TGM5: variants seen among roughly 807,000 people sequenced by gnomAD.
The protein encoded by TGM5 is protein-glutamine gamma-glutamyltransferase 5.
A neutral mutation model predicts 77.2 loss-of-function variants in TGM5; 69 were observed. The ratio of observed to expected loss-of-function variants is 0.89; its 90% CI spans 0.74 to 1.09. The LOEUF (loss-of-function observed/expected upper bound fraction) is 1.09. TGM5 is among the 50% of genes least tolerant of loss of function. The pLI, the probability that TGM5 is intolerant of heterozygous loss-of-function variation, is 0.00. For synonymous variants in TGM5, 346 were observed against 351.8 expected (o/e 0.98, Z 0.18); for missense variants, 842 against 896.5 (o/e 0.94, Z 0.78).
In TGM5 at chr15:43,253,757, C is replaced by G. The variant is rs143319854; in HGVS notation, c.556-123G>C. On this transcript the variant is annotated intron_variant, in intron 4 of 12. Transcript: ENST00000220420. ...TCACTTGGAAGGTAACTGTGTCAAA[C>G]AGAACAGCCATGAATTCCCTCCCAT... 8.4e-4 allele frequency: 1,143 copies of G among 1,360,298 alleles called. 6 individuals are homozygous for G. In the African/African-American group the frequency reaches 0.014, roughly 17 times the overall value. 84.3% of individuals were successfully genotyped at this position (1,360,298 alleles called of 1,614,324 possible).
At chr15:43,254,388 CTG>C (rs1309142499) in intron 4 of TGM5, among the ~76,000 whole-genome samples, 1 of 152,260 alleles carries the variant, frequency 6.6e-6, no homozygotes, top group Non-Finnish European at 1.5e-5. Context: ...TGCAGGAACT[CTG>C]TACCTCTTTG....
At chr15:43,235,307 A>G (rs1306529666) in intron 10 of TGM5, among the ~76,000 whole-genome samples, 162 bp downstream of exon 10, 1 of 147,186 alleles carries the variant, frequency 6.8e-6, no homozygotes, top group African/African-American at 2.5e-5. Context: ...GGAAGGAAGG[A>G]AGGAAGGGGG....
rs888170207 is a variant in TGM5 at position 43,253,071 on chromosome 15, G to A, written c.685-135C>T. 23 of 952,894 alleles carry A rather than the reference G, an allele frequency of 2.4e-5. No individual in the cohort carries two copies. The Admixed American group carries it at 3.0e-4, about 12-fold the overall frequency. 59.0% of individuals were successfully genotyped at this position (952,894 alleles called of 1,614,324 possible). On this transcript the variant is annotated intron_variant, in intron 5 of 12. Coordinates refer to ENST00000220420, the MANE Select transcript of TGM5 (RefSeq NM_201631.4). ...GACAGCATTTTACTGTGGACTTCCA[G>A]ACCTGCTGGGGAGGGCTAAGGATGG...
Position 43,260,540 on chromosome 15 carries a change from T to G in TGM5, c.50A>C (p.Asn17Thr), listed in dbSNP as rs927318290. ...VALTDLQSSR[N>T]NVRHHTEEIT... ...CTCCTCCGTGTGGTGCCGCACATTA[T>G]TTCTGGAGCTCTGGAGGTCTGTGAG... is the stretch of plus-strand genomic sequence containing the variant. The change falls in exon 2 of 13, where the codon AAT becomes ACT. Residue 17 changes from asparagine (N) to threonine (T), a missense_variant. Coordinates refer to ENST00000220420, the MANE Select transcript of TGM5 (RefSeq NM_201631.4). 1.2e-6 allele frequency: 2 copies of G among 1,614,100 alleles called. No homozygotes were observed. Among genetic ancestry groups the G allele is most frequent in the Non-Finnish European group, 1.7e-6 (2 of 1,179,966 alleles).
chr15:43,233,485 T>A (rs1433378884), intron 12 of TGM5, 69 bp downstream of exon 12: 1 of 1,613,328 alleles, frequency 6.2e-7, no homozygotes, highest in Non-Finnish European at 8.5e-7. Flanking sequence ...CAGGAACCCA[T>A]GTTCAGGAAG....
chr15:43,247,990 A>T (rs2142368506), intron 6 of TGM5, among the ~76,000 whole-genome samples: 1 of 152,266 alleles, frequency 6.6e-6, no homozygotes, highest in South Asian at 2.1e-4. Flanking sequence ...ATGAGATAAA[A>T]GGGGGAAATT....
At position 43,235,634 on chromosome 15, in the gene TGM5, G is replaced by GCGGGT; in HGVS notation, c.1544_1548dup (p.Pro517ThrfsTer27). 1 of 1,614,206 alleles carries GCGGGT rather than the reference G, an allele frequency of 6.2e-7. No homozygotes were observed. The highest frequency in any genetic ancestry group is 8.5e-7 in the Non-Finnish European group (1 of 1,180,044). ...AAGCATATATCCTGGCCCATGTTGGGCGGGTCGAGCAGCTTGAATTTCAGG... is the reference window on the plus strand; with the variant it reads ...AAGCATATATCCTGGCCCATGTTGGGCGGGTCGGGTCGAGCAGCTTGAATTTCAGG... On this transcript the variant is annotated frameshift_variant, in exon 10 of 13. Coordinates refer to ENST00000220420, the MANE Select transcript of TGM5 (RefSeq NM_201631.4). LOFTEE classifies it high-confidence loss of function.
At chr15:43,243,133 A>G (rs1312587855) in intron 6 of TGM5, among the ~76,000 whole-genome samples, 3 of 152,316 alleles carry the variant, frequency 2.0e-5, no homozygotes. Flanking sequence ...GAAGTTCTCC[A>G]TTAACCAGAG....
chr15:43,258,581 GTATTT>G (rs752102819), intron 3 of TGM5, among the ~76,000 whole-genome samples: 24 of 152,336 alleles, frequency 1.6e-4, no homozygotes, highest in Non-Finnish European at 2.9e-4. Context: ...TTGCTGAGAT[GTATTT>G]TATTGAGGGT....
intron 6 of TGM5, among the ~76,000 whole-genome samples, chr15:43,244,308 G>T (rs74009290): frequency 6.6e-6 from 1 of 152,202 alleles, no homozygotes; most frequent in Non-Finnish European, 1.5e-5. Flanking sequence ...GTACAAGGCT[G>T]GGCACAGGGT....
Position 43,253,037 on chromosome 15 carries a change from G to A in TGM5, c.685-101C>T, listed in dbSNP as rs2042716985. On this transcript the variant is annotated intron_variant, in intron 5 of 12. Transcript: ENST00000220420. ...ACCCATGGGCCTGAGAAACAGAGGA[G>A]AGACTTTTGACAGCATTTTACTGTG... is the stretch of plus-strand genomic sequence containing the variant. 3.0e-6 allele frequency: 4 copies of A among 1,327,702 alleles called. No individual in the cohort carries two copies. The Admixed American group carries it at 7.3e-5, about 24-fold the overall frequency. The allele number at this position is 1,327,702 out of a possible 1,614,324, so 82.2% of individuals were successfully genotyped here. A position where few individuals can be genotyped will look rare whatever the true frequency, so the allele number is the denominator to read the frequency against.
At chr15:43,243,630 C>G (rs1443947736) in intron 6 of TGM5, among the ~76,000 whole-genome samples, 1 of 152,210 alleles carries the variant, frequency 6.6e-6, no homozygotes, top group Non-Finnish European at 1.5e-5. Context: ...GGGCCTTGCT[C>G]CAGAGCTCTG....
intron 1 of TGM5, among the ~76,000 whole-genome samples, chr15:43,265,966 A>G (rs144956153): frequency 1.9e-3 from 291 of 152,250 alleles, no homozygotes; most frequent in African/African-American, 6.7e-3. Flanking sequence ...CCATGGATAT[A>G]CCAAAAAAGA....
intron 10 of TGM5, 102 bp downstream of exon 10, chr15:43,235,367 G>A: frequency 6.6e-7 from 1 of 1,504,234 alleles, no homozygotes; most frequent in Non-Finnish European, 9.2e-7. Context: ...CAGTAGAAAT[G>A]ATGGTGTCTC....
intron 7 of TGM5, 39 bp from the exon 8 acceptor site, chr15:43,239,305 G>T: frequency 1.2e-6 from 2 of 1,601,586 alleles, no homozygotes; most frequent in Non-Finnish European, 1.7e-6. Flanking sequence ...TGTACTGCTT[G>T]GTCTTTCTAG....
intron 6 of TGM5, chr15:43,241,271 G>A: frequency 4.1e-6 from 2 of 484,132 alleles, no homozygotes; most frequent in Non-Finnish European, 7.6e-6. Flanking sequence ...ACGCCAGGAG[G>A]GTGGGACTGG....
intron 4 of TGM5, 109 bp from the exon 5 acceptor site, chr15:43,253,743 G>A (rs2142374720): frequency 6.8e-7 from 1 of 1,467,120 alleles, no homozygotes; most frequent in East Asian, 2.3e-5. Flanking sequence ...CACTTGGAAG[G>A]TAACTGTGTC....
intron 6 of TGM5, among the ~76,000 whole-genome samples, chr15:43,246,644 G>A (rs1408287616): frequency 6.6e-6 from 1 of 152,158 alleles, no homozygotes; most frequent in Non-Finnish European, 1.5e-5. Flanking sequence ...GATCACAATT[G>A]AGGGAAGCTA....
In TGM5 at chr15:43,244,280, T is replaced by G. The variant is rs59507423; in HGVS notation, c.863-3290A>C. Among the ~76,000 whole-genome samples the G allele has an allele frequency of 8.7e-3, 1,328 of 152,358 alleles. 15 individuals are homozygous for G. The highest frequency in any genetic ancestry group is 0.031 in the African/African-American group (1,283 of 41,574). On this transcript the variant is annotated intron_variant, in intron 6 of 12. Transcript: ENST00000220420. ...AGTTGAGCTCATATAAGACTTTTCT[T>G]GCATTTCTACATTCCTAGTACAAGG...
Sources: allele counts gnomAD v4.1 joint callset (sites outside exome capture counted in the v4.1 genomes callset), GRCh38; gene constraint gnomAD v4.1.1; transcripts MANE v1.5; gene names NCBI Gene and HGNC (gene_info 2026-07-23, HGNC 2026-07-21).